Variants in ABCC6 observed in about 807,000 individuals in gnomAD.
ABCC6 encodes ATP-binding cassette sub-family C member 6.
ABCC6 carries 126 observed loss-of-function variants against 169.5 expected under a neutral mutation model. The ratio of observed to expected loss-of-function variants is 0.74; its 90% confidence interval spans 0.64 to 0.86. The LOEUF is 0.86. ABCC6 is among the 40% of genes least tolerant of loss of function. The pLI is 0.00. For missense variants in ABCC6, 1,733 were observed against 1,927.2 expected (o/e 0.90, Z 1.89); for synonymous variants, 752 against 814.7 (o/e 0.92, Z 1.31).
intron 22 of ABCC6, among the ~76,000 whole-genome samples, chr16:16,169,080 CAAAAT>C (rs1242013804): frequency 6.6e-6 from 1 of 152,024 alleles, no homozygotes; most frequent in African/African-American, 2.4e-5. Flanking sequence ...GACTCTGTCT[CAAAAT>C]AAAATAAACA....
At chr16:16,157,964 T>C (rs2046605077) in intron 26 of ABCC6, among the ~76,000 whole-genome samples, 155 bp from the exon 27 acceptor site, 1 of 152,212 alleles carries the variant, frequency 6.6e-6, no homozygotes, top group African/African-American at 2.4e-5. Context: ...AGAGAGGGCA[T>C]GGACTATGTC....
At chr16:16,203,662 C>T (rs747672650) in intron 7 of ABCC6, 49 bp from the exon 8 acceptor site, 1 of 1,607,432 alleles carries the variant, frequency 6.2e-7, no homozygotes, top group Non-Finnish European at 8.5e-7. Context: ...ATACTCTCAG[C>T]CGCCAGCGGC....
chr16:16,152,906 G>T (rs2856584), intron 29 of ABCC6, among the ~76,000 whole-genome samples: 2 of 150,578 alleles, frequency 1.3e-5, no homozygotes, highest in African/African-American at 2.4e-5. Context: ...GTTTTTTTTT[G>T]TTTTTTTTGA....
chr16:16,201,976 C>T, intron 9 of ABCC6, 25 bp downstream of exon 9: 1 of 1,613,858 alleles, frequency 6.2e-7, no homozygotes, highest in Non-Finnish European at 8.5e-7. Flanking sequence ...GCTGGGAAGA[C>T]CTGCCCTTGT....
chr16:16,190,095 C>T, intron 12 of ABCC6, 69 bp downstream of exon 12: 1 of 1,566,660 alleles, frequency 6.4e-7, no homozygotes, highest in Non-Finnish European at 8.7e-7. Context: ...GCTCCACCTA[C>T]CTCACCCTGC....
intron 20 of ABCC6, among the ~76,000 whole-genome samples, chr16:16,175,396 G>T (rs918019166): frequency 1.3e-5 from 2 of 152,172 alleles, no homozygotes; most frequent in Non-Finnish European, 1.5e-5. Context: ...TTCTGCTGCC[G>T]ACAGCTCCAC....
At chr16:16,200,611 C>T (rs552274998) in intron 9 of ABCC6, among the ~76,000 whole-genome samples, 4 of 135,064 alleles carry the variant, frequency 3.0e-5, no homozygotes, top group South Asian at 2.3e-4. Context: ...GCACACCTAG[C>T]TCTGGCATGC....
rs184303598 is a variant in ABCC6 at position 16,165,340 on chromosome 16, G to A, written c.3306+283C>T. On this transcript the variant is annotated intron_variant, in intron 23 of 30. Coordinates refer to ENST00000205557, the MANE Select transcript of ABCC6 (RefSeq NM_001171.6). ...GAGGTAGGAGGATCACCTGAACCCA[G>A]GAGTTCAAGGCTGCAGGGAGCTATG... Among the ~76,000 whole-genome samples, 7 of 152,306 alleles carry A rather than the reference G, an allele frequency of 4.6e-5. No individual in the cohort carries two copies. The East Asian group carries it at 9.7e-4, about 21-fold the overall frequency.
At chr16:16,194,277 G>T (rs1596691195) in intron 10 of ABCC6, among the ~76,000 whole-genome samples, 1 of 152,224 alleles carries the variant, frequency 6.6e-6, no homozygotes, top group African/African-American at 2.4e-5. Context: ...CCCTCGCAAG[G>T]GTTGTCAGAT....
intron 5 of ABCC6, 62 bp downstream of exon 5, chr16:16,214,262 C>T: frequency 6.5e-7 from 1 of 1,545,938 alleles, no homozygotes. Context: ...GACTTTTGGT[C>T]ACCTGGGGGA....
chr16:16,165,905 C>T lies in ABCC6; in HGVS notation c.3024G>A (p.Ala1008=), dbSNP rs372041663. 7.7e-5 allele frequency: 124 copies of T among 1,612,922 alleles called. No individual in the cohort carries two copies. In the Middle Eastern group the frequency reaches 2.0e-3, roughly 26 times the overall value. The part of the protein sequence containing the change: ...QAIGLFASMA[A]VLLGGARASR... ...ATGCCCGGGCCCCACCTAGGAGCAC[C>T]GCAGCCATGGAGGCAAACAGCCCAA... Residue 1008 remains alanine, a synonymous_variant, in exon 23 of 31, where the codon GCG becomes GCA. Transcript: ENST00000205557.
At position 16,159,494 on chromosome 16, in the gene ABCC6, C is replaced by G. The variant is rs72657701; in HGVS notation, c.3723G>C (p.Trp1241Cys). Residue 1241 changes from tryptophan to cysteine, a missense_variant, in exon 26 of 31, where the codon TGG (tryptophan) becomes TGC (cysteine). Physicochemically the swap from Trp to Cys is radical, Grantham distance 215 (BLOSUM62 -2). This residue lies in a region of ABCC6 where 1,601 missense variants were observed against 1,635.5 expected (regional missense o/e 0.98). Coordinates refer to ENST00000205557, the MANE Select transcript of ABCC6 (RefSeq NM_001171.6). ...VSVERMQDYA[W>C]TPKEAPWRLP... Reference sequence around the variant, plus strand: ...TCCCGCCCATCACCTCCTTGGGCGTCCAGGCATAGTCCTGCATCCGCTCCA... The same window carrying G: ...TCCCGCCCATCACCTCCTTGGGCGTGCAGGCATAGTCCTGCATCCGCTCCA... The G allele has an allele frequency of 6.8e-6, 11 of 1,614,050 alleles. No individual in the cohort carries two copies. The highest frequency in any genetic ancestry group is 9.3e-6 in the Non-Finnish European group (11 of 1,179,990).
At chr16:16,179,673 C>T (rs2047405875) in intron 17 of ABCC6, among the ~76,000 whole-genome samples, 5 of 152,324 alleles carry the variant, frequency 3.3e-5, no homozygotes, top group East Asian at 1.9e-4. Context: ...TCACTGCAAC[C>T]TCTGCCTCCT....
Position 16,184,879 on chromosome 16 carries a change from C to A in ABCC6, c.1943+80G>T, listed in dbSNP as rs895863456. On this transcript the variant is annotated intron_variant, in intron 15 of 30. Coordinates refer to ENST00000205557, the MANE Select transcript of ABCC6 (RefSeq NM_001171.6). Reference sequence around the variant, plus strand: ...CCCAGGCTGGAAACCTACACCACCTCTCAGGTGGGAGGCAGCAGGAGCCCC... The same window carrying A: ...CCCAGGCTGGAAACCTACACCACCTATCAGGTGGGAGGCAGCAGGAGCCCC... The A allele has an allele frequency of 1.8e-5, 26 of 1,465,524 alleles. No homozygotes were observed. The Admixed American group carries it at 4.2e-4, about 24-fold the overall frequency. The allele number at this position is 1,465,524 out of a possible 1,614,324, so 90.8% of individuals were successfully genotyped here.
At chr16:16,185,322 G>T (rs542983440) in intron 14 of ABCC6, among the ~76,000 whole-genome samples, 1 of 152,176 alleles carries the variant, frequency 6.6e-6, no homozygotes, top group African/African-American at 2.4e-5. Context: ...ATTGGAACAC[G>T]GCCACATCCA....
intron 5 of ABCC6, 70 bp downstream of exon 5, chr16:16,214,254 C>G: frequency 6.5e-7 from 1 of 1,545,488 alleles, no homozygotes; most frequent in South Asian, 1.2e-5. Flanking sequence ...AAATTAAAGA[C>G]TTTTGGTCAC....
chr16:16,187,467 T>C (rs2047686391), intron 13 of ABCC6, among the ~76,000 whole-genome samples: 1 of 152,192 alleles, frequency 6.6e-6, no homozygotes, highest in Non-Finnish European at 1.5e-5. Flanking sequence ...GCAGACAAGA[T>C]CTGGGAAGAG....
chr16:16,165,060 A>C (rs1238550028), intron 23 of ABCC6, among the ~76,000 whole-genome samples: 2 of 152,200 alleles, frequency 1.3e-5, no homozygotes, highest in Non-Finnish European at 2.9e-5. Context: ...ATAATTGGAG[A>C]GGAAGAAATT....
intron 20 of ABCC6, 104 bp from the exon 21 acceptor site, chr16:16,173,508 C>T: frequency 2.2e-6 from 3 of 1,339,328 alleles, no homozygotes; most frequent in Non-Finnish European, 3.2e-6. Flanking sequence ...TCTGGGTACA[C>T]TCTGTACTCT....
Sources: allele counts gnomAD v4.1 joint callset (sites outside exome capture counted in the v4.1 genomes callset), GRCh38; gene constraint gnomAD v4.1.1; regional missense constraint gnomAD v4.1.1; transcripts MANE v1.5; gene names NCBI Gene and HGNC (gene_info 2026-07-23, HGNC 2026-07-21).